PWWP3B: variants seen among roughly 807,000 people sequenced by gnomAD.
PWWP3B encodes PWWP domain containing 3B, also known as PWWP domain-containing DNA repair factor 3B.
In PWWP3B, 5 loss-of-function variants were observed where a neutral mutation model predicts 15.7. The observed-to-expected ratio is 0.32, with a 90% CI of 0.17 to 0.67. The LOEUF is 0.67. Ranked by LOEUF, PWWP3B falls within the 30% of genes least tolerant of loss-of-function variation. PWWP3B has a pLI of 0.74. For synonymous variants in PWWP3B, 203 were observed against 179.8 expected (o/e 1.13, Z -1.03); for missense variants, 519 against 493.1 (o/e 1.05, Z -0.50).
At chrX:106,168,638 A>C (rs1292165243) in intron 1 of PWWP3B, among the ~76,000 whole-genome samples, 1 of 112,726 alleles carries the variant, frequency 8.9e-6, no homozygotes, top group Non-Finnish European at 1.9e-5. Context: ...AGAGCATTTT[A>C]TGTTTCCATC....
intron 2 of PWWP3B, among the ~76,000 whole-genome samples, chrX:106,181,523 G>C (rs1387170911): frequency 8.9e-6 from 1 of 111,753 alleles, no homozygotes; most frequent in Non-Finnish European, 1.9e-5. Context: ...ACAGAACATT[G>C]ATTTGTGCAT....
chrX:106,205,159 G>A (rs762292138), intron 3 of PWWP3B, 60 bp from the exon 4 acceptor site: 9 of 245,622 alleles, frequency 3.7e-5, no homozygotes, highest in East Asian at 6.3e-5. Flanking sequence ...CTCACCTCCC[G>A]TTTTGGCGAA....
chrX:106,207,340 C>A lies in PWWP3B; in HGVS notation c.1908C>A (p.Ile636=). The change falls in exon 4 of 4, where the codon ATC becomes ATA. Residue 636 remains isoleucine, a synonymous_variant. Transcript: ENST00000357175. ...TAAAAGATGATAAAATTAAATTTAT[C>A]CTAGAAGTTCTTCTGCCAGAAGCAA... ...TWIKDDKIKF[I]LEVLLPEAII... 1 of 1,195,084 alleles carries A rather than the reference C, an allele frequency of 8.4e-7. No individual in the cohort carries two copies. The highest frequency in any genetic ancestry group is 1.7e-5 in the African/African-American group (1 of 57,465).
At chrX:106,170,608 C>G (rs1921567537) in intron 1 of PWWP3B, among the ~76,000 whole-genome samples, 1 of 111,564 alleles carries the variant, frequency 9.0e-6, no homozygotes, top group Non-Finnish European at 1.9e-5. Flanking sequence ...TATTAGCCGA[C>G]TATGAGACAG....
chrX:106,206,760 T>A lies in PWWP3B; in HGVS notation c.1328T>A (p.Leu443Ter). 8.3e-7 allele frequency: 1 copy of A among 1,210,812 alleles called. No homozygotes were observed. Among genetic ancestry groups the A allele is most frequent in the Non-Finnish European group, 1.1e-6 (1 of 895,080 alleles). Residue 443 changes from leucine to a stop codon, truncating the protein, a stop_gained, in exon 4 of 4, where the codon TTA (leucine) becomes TAA (stop). Transcript: ENST00000357175. LOFTEE classifies it high-confidence loss of function. ...GGCATTAGAGTAAATTTTAGAAGAT[T>A]AAAGAAATTTGATTGTAAAGAGAAA... ...KKGIRVNFRR[L>*]KKFDCKEKQM... is the part of the protein sequence containing the mutation.
chrX:106,170,018 TAGAC>T (rs1341833689), intron 1 of PWWP3B, among the ~76,000 whole-genome samples: 4 of 112,169 alleles, frequency 3.6e-5, no homozygotes, highest in East Asian at 5.6e-4. Context: ...CTCCAATTAA[TAGAC>T]AGAATATTTT....
At chrX:106,187,018 A>T (rs1354258736) in intron 2 of PWWP3B, among the ~76,000 whole-genome samples, 1 of 111,964 alleles carries the variant, frequency 8.9e-6, no homozygotes, top group East Asian at 2.8e-4. Flanking sequence ...AAGTTCTCCA[A>T]GTCCCCACTC....
chrX:106,172,552 A>G (rs1921677226), intron 2 of PWWP3B, among the ~76,000 whole-genome samples: 1 of 110,464 alleles, frequency 9.1e-6, no homozygotes, highest in Non-Finnish European at 1.9e-5. Context: ...CAATATCACC[A>G]TCCTCCATTT....
chrX:106,184,665 C>A (rs775212357), intron 2 of PWWP3B, among the ~76,000 whole-genome samples: 1 of 112,209 alleles, frequency 8.9e-6, no homozygotes, highest in Non-Finnish European at 1.9e-5. Context: ...TTTGATCTAA[C>A]AATAGCATGA....
intron 2 of PWWP3B, among the ~76,000 whole-genome samples, chrX:106,182,650 T>C (rs778586171): frequency 4.6e-5 from 5 of 108,759 alleles, no homozygotes; most frequent in Non-Finnish European, 7.6e-5. Flanking sequence ...ATTTTCCCAT[T>C]GGAGAAAAAA....
At chrX:106,170,523 G>A (rs945712538) in intron 1 of PWWP3B, among the ~76,000 whole-genome samples, 2 of 112,009 alleles carry the variant, frequency 1.8e-5, no homozygotes, top group African/African-American at 3.2e-5. Flanking sequence ...TCACAAGATG[G>A]TGCTTGCCAG....
chrX:106,184,004 A>G (rs1229055718), intron 2 of PWWP3B, among the ~76,000 whole-genome samples: 1 of 111,408 alleles, frequency 9.0e-6, no homozygotes, highest in East Asian at 2.8e-4. Flanking sequence ...GTCTTTGCAA[A>G]CCTCACTGGT....
chrX:106,168,598 T>TA (rs1921456127), intron 1 of PWWP3B, among the ~76,000 whole-genome samples, 173 bp downstream of exon 1: 2 of 112,484 alleles, frequency 1.8e-5, no homozygotes, highest in Non-Finnish European at 3.8e-5. Context: ...AAAATATTCT[T>TA]AAAGAGGTAG....
intron 2 of PWWP3B, among the ~76,000 whole-genome samples, chrX:106,190,843 T>C (rs768102286): frequency 1.8e-5 from 2 of 111,318 alleles, no homozygotes; most frequent in African/African-American, 6.5e-5. Flanking sequence ...TTGTCAAAGA[T>C]CAGATAGTTG....
intron 2 of PWWP3B, among the ~76,000 whole-genome samples, chrX:106,191,130 T>G (rs1176441980): frequency 9.1e-6 from 1 of 110,282 alleles, no homozygotes; most frequent in Non-Finnish European, 1.9e-5. Context: ...ATAAATTACC[T>G]TGGGCAGTAT....
intron 2 of PWWP3B, among the ~76,000 whole-genome samples, chrX:106,173,967 CAT>C (rs1260319912): frequency 9.0e-6 from 1 of 111,446 alleles, no homozygotes; most frequent in Non-Finnish European, 1.9e-5. Context: ...AATTCAGAAA[CAT>C]AACCATGTCA....
At chrX:106,191,583 T>C (rs1351810626) in intron 2 of PWWP3B, among the ~76,000 whole-genome samples, 1 of 111,625 alleles carries the variant, frequency 9.0e-6, no homozygotes, top group African/African-American at 3.3e-5. Context: ...CTATGTTGAA[T>C]AAGAGTGGTG....
At chrX:106,184,952 G>T (rs1922418363) in intron 2 of PWWP3B, among the ~76,000 whole-genome samples, 1 of 111,299 alleles carries the variant, frequency 9.0e-6, no homozygotes, top group African/African-American at 3.3e-5. Flanking sequence ...TTAATAGGAA[G>T]GGGAGCTGTA....
At position 106,182,475 on chromosome X, in the gene PWWP3B, G is replaced by A. The variant is rs1922264456; in HGVS notation, c.-401+11336G>A. Among the ~76,000 whole-genome samples, 3 of 111,544 alleles carry A rather than the reference G, an allele frequency of 2.7e-5. No homozygotes were observed. The South Asian group carries it at 1.1e-3, about 42-fold the overall frequency. ...AGATATAGGTTGATGTTCCACATAA[G>A]AAGAATATGTCTTAGCTGGGTAGAC... On this transcript the variant is annotated intron_variant, in intron 2 of 3. Coordinates refer to ENST00000357175, the MANE Select transcript of PWWP3B (RefSeq NM_001171020.2).
Sources: allele counts gnomAD v4.1 joint callset (sites outside exome capture counted in the v4.1 genomes callset), GRCh38; gene constraint gnomAD v4.1.1; transcripts MANE v1.5; gene names NCBI Gene and HGNC (gene_info 2026-07-23, HGNC 2026-07-21).